STON1: variants seen among roughly 807,000 people sequenced by gnomAD.
The protein encoded by STON1 is stonin 1.
In STON1, 79 loss-of-function variants were observed where a neutral mutation model predicts 60.9. The observed-to-expected ratio is 1.30, with a 90% CI of 1.08 to 1.56. The LOEUF is 1.56. Ranked by LOEUF, STON1 falls within the 40% of genes most tolerant of loss-of-function variation. The probability of loss-of-function intolerance (pLI) is 0.00; values close to 1 mark genes in which losing one functional copy is unlikely to be tolerated. For missense variants in STON1, 1,166 were observed against 858.9 expected, an observed-to-expected ratio of 1.36 and a Z score of -4.47; for synonymous variants, 363 against 306.9, an observed-to-expected ratio of 1.18 and a Z score of -1.91.
intron 1 of STON1, among the ~76,000 whole-genome samples, chr2:48,538,637 T>G (rs1334790876): frequency 6.6e-6 from 1 of 152,070 alleles, no homozygotes; most frequent in African/African-American, 2.4e-5. Context: ...CTCACTCTGT[T>G]GCCCAGGCTG....
At chr2:48,561,655 T>C (rs983950485) in intron 1 of STON1, among the ~76,000 whole-genome samples, 1 of 152,194 alleles carries the variant, frequency 6.6e-6, no homozygotes, top group African/African-American at 2.4e-5. Context: ...TACTAGACGC[T>C]AGTAGCATTC....
chr2:48,562,472 G>A (rs558198924), intron 1 of STON1, among the ~76,000 whole-genome samples: 5 of 152,312 alleles, frequency 3.3e-5, no homozygotes, highest in African/African-American at 1.2e-4. Flanking sequence ...TGTTTAAAGT[G>A]CCTACTATGC....
In STON1 at chr2:48,582,506, G is replaced by A. The variant is rs1397451696; in HGVS notation, c.1873G>A (p.Glu625Lys). ...IQVTVGSAKY[E>K]SAYQAVVWKI... ...AGTCACTGTGGGGTCAGCAAAATAT[G>A]AGAGTGCCTACCAGGCAGTGGTATG... Residue 625 changes from glutamate to lysine, a missense_variant, in exon 2 of 4, where the codon GAG becomes AAG. Physicochemically the swap from Glu to Lys is moderately conservative, Grantham distance 56. Coordinates refer to ENST00000404752, the MANE Select transcript of STON1 (RefSeq NM_006873.4). 5 of 1,614,170 alleles carry A rather than the reference G, an allele frequency of 3.1e-6. No individual in the cohort carries two copies. The highest frequency in any genetic ancestry group is 1.7e-5 in the Admixed American group (1 of 60,024).
intron 1 of STON1, among the ~76,000 whole-genome samples, chr2:48,562,982 T>C (rs1416065871): frequency 6.6e-6 from 1 of 152,162 alleles, no homozygotes; most frequent in Non-Finnish European, 1.5e-5. Flanking sequence ...TTACTCAAAT[T>C]GTAGATGAGA....
chr2:48,574,306 G>A (rs1459588445), intron 1 of STON1, among the ~76,000 whole-genome samples: 1 of 151,712 alleles, frequency 6.6e-6, no homozygotes, highest in Non-Finnish European at 1.5e-5. Context: ...AACCCTGGAG[G>A]CAAAGGTTGC....
Position 48,574,330 on chromosome 2 carries a change from C to T in STON1, c.-47-6257C>T, listed in dbSNP as rs879290487. Among the ~76,000 whole-genome samples the T allele has an allele frequency of 3.3e-5, 5 of 150,790 alleles. 1 individual carries two copies. Among genetic ancestry groups the T allele is most frequent in the Admixed American group, 2.6e-4 (4 of 15,134 alleles). On this transcript the variant is annotated intron_variant, in intron 1 of 3. Transcript: ENST00000404752. ...GGCAAAGGTTGCAGTGAGTCGAGATCGTGCCACTGCACTCCAACCTGAGCG... is the reference window on the plus strand; with the variant it reads ...GGCAAAGGTTGCAGTGAGTCGAGATTGTGCCACTGCACTCCAACCTGAGCG...
rs768844519 is a variant in STON1, at chr2:48,597,754, A to C, written c.*2452A>C. 7.2e-5 allele frequency: 11 copies of C among 152,618 alleles called. No homozygotes were observed. The highest frequency in any genetic ancestry group is 1.5e-4 in the Non-Finnish European group (10 of 68,046). The allele number at this position is 152,618 out of a possible 1,614,324, so 9.5% of individuals were successfully genotyped here. A position where few individuals can be genotyped will look rare whatever the true frequency, so the allele number is the denominator to read the frequency against. ...CTATTAGGATCCTTAAATATTCATT[A>C]CTTAATGTTAAATTAACATTCTGTG... is the stretch of plus-strand genomic sequence containing the variant. On this transcript the variant is annotated 3_prime_UTR_variant, in exon 4 of 4. Transcript: ENST00000404752.
chr2:48,551,118 A>G (rs141419205), intron 1 of STON1, among the ~76,000 whole-genome samples: 41 of 152,250 alleles, frequency 2.7e-4, no homozygotes, highest in Non-Finnish European at 5.6e-4. Flanking sequence ...CTCTAAGCCA[A>G]TCAAGAACAA....
At chr2:48,580,535 T>G in intron 1 of STON1, 52 bp from the exon 2 acceptor site, 4 of 1,299,252 alleles carry the variant, frequency 3.1e-6, no homozygotes, top group Non-Finnish European at 3.9e-6. Flanking sequence ...TAGTAATGAT[T>G]CCCCCCTTCA....
intron 1 of STON1, among the ~76,000 whole-genome samples, chr2:48,561,760 G>A (rs114484555): frequency 1.1e-3 from 175 of 152,334 alleles, no homozygotes; most frequent in African/African-American, 4.0e-3. Context: ...CATTGGTACA[G>A]AGTAATGCTA....
chr2:48,569,643 A>T (rs1336068758), intron 1 of STON1, among the ~76,000 whole-genome samples: 1 of 152,188 alleles, frequency 6.6e-6, no homozygotes, highest in Admixed American at 6.5e-5. Context: ...GAGTATATGA[A>T]TTTTTTCCTA....
chr2:48,582,465 C>T lies in STON1; in HGVS notation c.1832C>T (p.Ser611Phe). ...CTGGGGAGTTTACAGGAACTTGAAT[C>T]TGAACCTGTCATTCAAGTCACTGTG... is the stretch of plus-strand genomic sequence containing the variant. ...ACLGSLQELE[S>F]EPVIQVTVGS... is the part of the protein sequence containing the mutation. Residue 611 changes from serine (S) to phenylalanine (F), a missense_variant, in exon 2 of 4, where the codon TCT becomes TTT. By Grantham distance (155) the Ser-to-Phe change is radical. Coordinates refer to ENST00000404752, the MANE Select transcript of STON1 (RefSeq NM_006873.4). 1 of 1,614,190 alleles carries T rather than the reference C, an allele frequency of 6.2e-7. No homozygotes were observed. Among genetic ancestry groups the T allele is most frequent in the Non-Finnish European group, 8.5e-7 (1 of 1,180,026 alleles).
intron 2 of STON1, among the ~76,000 whole-genome samples, chr2:48,589,045 G>A (rs1190775488): frequency 6.6e-6 from 1 of 152,190 alleles, no homozygotes; most frequent in Admixed American, 6.5e-5. Context: ...AGGTGTATAT[G>A]GTGGCACAGA....
chr2:48,549,676 G>A (rs562724096), intron 1 of STON1, among the ~76,000 whole-genome samples: 11 of 151,926 alleles, frequency 7.2e-5, no homozygotes, highest in Non-Finnish European at 1.6e-4. Context: ...CCCGGGTGTG[G>A]TGATGGGCTC....
At position 48,596,640 on chromosome 2, in the gene STON1, T is replaced by C. The variant is rs530264249; in HGVS notation, c.*1338T>C. 36 of 152,316 alleles carry C rather than the reference T, an allele frequency of 2.4e-4. No homozygotes were observed. Among genetic ancestry groups the C allele is most frequent in the African/African-American group, 8.2e-4 (34 of 41,586 alleles). The allele number at this position is 152,316 out of a possible 1,614,324, so 9.4% of individuals were successfully genotyped here. On this transcript the variant is annotated 3_prime_UTR_variant, in exon 4 of 4. Transcript: ENST00000404752. ...GATTTAGTGTTCTTCCAAACAACAT[T>C]TATGTGTTGGCCTACAGAGTTTATT... is the stretch of plus-strand genomic sequence containing the variant.
rs1673864713 is a variant in STON1, at chr2:48,581,270, G to A, written c.637G>A (p.Glu213Lys). The A allele has an allele frequency of 2.0e-6, 3 of 1,518,754 alleles. No individual in the cohort carries two copies. The highest frequency in any genetic ancestry group is 2.6e-6 in the Non-Finnish European group (3 of 1,137,770). 94.1% of individuals were successfully genotyped at this position (1,518,754 alleles called of 1,614,324 possible). A position where few individuals can be genotyped will look rare whatever the true frequency, so the allele number is the denominator to read the frequency against. ...AAAGATGTTCTCATCAAGAAACAAG[G>A]AGATGCCTATTGACCAAAAAAGCCT... is the stretch of plus-strand genomic sequence containing the variant. ...SKKMFSSRNKEMPIDQKSLNK... is the reference protein window; with the variant it reads ...SKKMFSSRNKKMPIDQKSLNK... Residue 213 changes from glutamate to lysine, a missense_variant, in exon 2 of 4, where the codon GAG becomes AAG. Physicochemically the swap from Glu to Lys is moderately conservative, Grantham distance 56. Coordinates refer to ENST00000404752, the MANE Select transcript of STON1 (RefSeq NM_006873.4).
At chr2:48,540,466 G>A (rs1453000541) in intron 1 of STON1, among the ~76,000 whole-genome samples, 1 of 152,192 alleles carries the variant, frequency 6.6e-6, no homozygotes, top group African/African-American at 2.4e-5. Flanking sequence ...TAAAAACCCA[G>A]GAGGACCGGG....
At chr2:48,553,809 T>C (rs936913212) in intron 1 of STON1, among the ~76,000 whole-genome samples, 2 of 152,084 alleles carry the variant, frequency 1.3e-5, no homozygotes, top group Admixed American at 6.5e-5. Context: ...CTTAGGAGAA[T>C]TGATCCTCGT....
At position 48,568,790 on chromosome 2, in the gene STON1, C is replaced by T. The variant is rs118157171; in HGVS notation, c.-47-11797C>T. Among the ~76,000 whole-genome samples the T allele has an allele frequency of 6.6e-4, 101 of 152,242 alleles. 1 individual carries two copies. In the East Asian group the frequency reaches 0.018, roughly 28 times the overall value. On this transcript the variant is annotated intron_variant, in intron 1 of 3. Coordinates refer to ENST00000404752, the MANE Select transcript of STON1 (RefSeq NM_006873.4). ...GGGGAAAATTATCAGTCTGCTTTTC[C>T]CACAGCCTGATGTCCAAGGGGCAGA...
Sources: gnomAD v4.1 joint callset for allele counts (sites outside exome capture counted in the v4.1 genomes callset) on GRCh38, gnomAD v4.1.1 for gene constraint, MANE v1.5 for transcripts, NCBI Gene and HGNC (gene_info 2026-07-23, HGNC 2026-07-21) for gene names.